The following MCC variants were observed in gnomAD, a reference collection of about 807,000 sequenced individuals.
MCC encodes the protein colorectal mutant cancer protein.
In MCC, 90 loss-of-function variants were observed where a neutral mutation model predicts 116.2. The ratio of observed to expected loss-of-function variants is 0.77; its 90% CI spans 0.65 to 0.92. The LOEUF is 0.92. Among genes scored for constraint, MCC ranks in the 40% least tolerant of loss-of-function variants. The pLI, the probability that MCC is intolerant of heterozygous loss-of-function variation, is 0.00. For missense variants in MCC, 1,516 were observed against 1,312.2 expected (o/e 1.16, Z -2.40); for synonymous variants, 578 against 510.5 (o/e 1.13, Z -1.78).
At chr5:113,305,529 T>C (rs562355606) in intron 3 of MCC, among the ~76,000 whole-genome samples, 1 of 152,314 alleles carries the variant, frequency 6.6e-6, no homozygotes, top group African/African-American at 2.4e-5. Context: ...TTTGGAGTCA[T>C]TTTCAGTTCC....
At chr5:113,221,903 G>A (rs1225748370) in intron 3 of MCC, among the ~76,000 whole-genome samples, 1 of 151,928 alleles carries the variant, frequency 6.6e-6, no homozygotes, top group African/African-American at 2.4e-5. Context: ...GACTCTGCAT[G>A]AATTACTCTT....
chr5:113,421,334 G>T (rs1000365936), intron 1 of MCC, among the ~76,000 whole-genome samples: 6 of 151,948 alleles, frequency 3.9e-5, no homozygotes, highest in African/African-American at 1.4e-4. Context: ...CTCTGCAAAA[G>T]AATTTTAAAT....
chr5:113,275,962 C>CT (rs1765806006), intron 3 of MCC, among the ~76,000 whole-genome samples: 1 of 145,008 alleles, frequency 6.9e-6, no homozygotes. Context: ...ATTGATTTCA[C>CT]TTGTTTTGTT....
intron 5 of MCC, among the ~76,000 whole-genome samples, chr5:113,125,349 T>C (rs1020850411): frequency 6.6e-6 from 1 of 152,112 alleles, no homozygotes; most frequent in Non-Finnish European, 1.5e-5. Context: ...AAACGACACA[T>C]GGCAACAAAG....
At chr5:113,407,752 G>GC (rs1206807562) in intron 1 of MCC, among the ~76,000 whole-genome samples, 3 of 152,050 alleles carry the variant, frequency 2.0e-5, no homozygotes, top group African/African-American at 4.8e-5. Flanking sequence ...TATATTTTAA[G>GC]CCCCGCATAC....
chr5:113,447,802 T>C (rs1415053527), intron 1 of MCC, among the ~76,000 whole-genome samples: 1 of 152,104 alleles, frequency 6.6e-6, no homozygotes, highest in Non-Finnish European at 1.5e-5. Context: ...GGCCTCTGCA[T>C]TGATGCCAAA....
At chr5:113,375,417 C>A (rs1768957882) in intron 2 of MCC, among the ~76,000 whole-genome samples, 2 of 152,090 alleles carry the variant, frequency 1.3e-5, no homozygotes, top group Non-Finnish European at 2.9e-5. Context: ...AAGGATAATT[C>A]TCTATGTGTT....
chr5:113,120,460 G>A (rs966846342), intron 6 of MCC, among the ~76,000 whole-genome samples: 4 of 152,096 alleles, frequency 2.6e-5, no homozygotes, highest in Non-Finnish European at 4.4e-5. Flanking sequence ...ACTACTGATC[G>A]CTCCTTCCTT....
At chr5:113,091,847 C>A (rs1755665258) in intron 8 of MCC, among the ~76,000 whole-genome samples, 1 of 151,872 alleles carries the variant, frequency 6.6e-6, no homozygotes, top group African/African-American at 2.4e-5. Context: ...AGGATCACAC[C>A]ACTGGACTCC....
intron 1 of MCC, among the ~76,000 whole-genome samples, chr5:113,402,382 C>A (rs1297234909): frequency 6.6e-6 from 1 of 151,250 alleles, no homozygotes; most frequent in Admixed American, 6.6e-5. Flanking sequence ...TGGTCTTGAA[C>A]TCCTGGCCTC....
At chr5:113,389,907 T>C (rs1348388855) in intron 1 of MCC, among the ~76,000 whole-genome samples, 1 of 152,196 alleles carries the variant, frequency 6.6e-6, no homozygotes, top group Non-Finnish European at 1.5e-5. Flanking sequence ...TCAGTAAGTA[T>C]GAAGGACCAA....
At chr5:113,198,149 G>C (rs532398022) in intron 3 of MCC, among the ~76,000 whole-genome samples, 1 of 152,244 alleles carries the variant, frequency 6.6e-6, no homozygotes, top group African/African-American at 2.4e-5. Context: ...ATACAGAAAT[G>C]GTATCACCCA....
intron 4 of MCC, among the ~76,000 whole-genome samples, chr5:113,147,590 A>G (rs528771025): frequency 2.6e-5 from 4 of 152,356 alleles, no homozygotes; most frequent in Admixed American, 6.5e-5. Context: ...TATGCTAACA[A>G]GAGATGTTAC....
At chr5:113,327,914 A>G (rs756367961) in intron 3 of MCC, among the ~76,000 whole-genome samples, 3 of 152,006 alleles carry the variant, frequency 2.0e-5, no homozygotes, top group East Asian at 1.9e-4. Flanking sequence ...GGAATACCTA[A>G]TAGTATTATT....
intron 3 of MCC, among the ~76,000 whole-genome samples, chr5:113,166,156 C>A (rs994981602): frequency 5.3e-5 from 8 of 152,066 alleles, no homozygotes; most frequent in Non-Finnish European, 8.8e-5. Flanking sequence ...CCTAAAGCTG[C>A]CTTATTTTGT....
At position 113,094,715 on chromosome 5, in the gene MCC, C is replaced by T. The variant is rs142043971; in HGVS notation, c.1398+7024G>A. 6.4e-3 allele frequency among the ~76,000 whole-genome samples: 968 copies of T among 152,282 alleles called. 21 individuals are homozygous for T. In the South Asian group the frequency reaches 0.067, roughly 11 times the overall value. ...GATTACAGGCATGAGCCACCGCTCC[C>T]GGCCAATGTTCCTAATTTCTTACCA... On this transcript the variant is annotated intron_variant, in intron 8 of 18. Coordinates refer to ENST00000408903, the MANE Select transcript of MCC (RefSeq NM_001085377.2).
At chr5:113,163,459 A>G (rs1760608826) in intron 3 of MCC, among the ~76,000 whole-genome samples, 1 of 151,894 alleles carries the variant, frequency 6.6e-6, no homozygotes, top group African/African-American at 2.4e-5. Context: ...ATTGTCCCCC[A>G]CAGATCACCT....
At chr5:113,370,699 C>T (rs183163618) in intron 2 of MCC, among the ~76,000 whole-genome samples, 16 of 152,280 alleles carry the variant, frequency 1.1e-4, no homozygotes. Flanking sequence ...GTCATCAGCA[C>T]TGAAATTTTT....
chr5:113,464,840 T>C (rs1384900678), intron 1 of MCC, among the ~76,000 whole-genome samples: 1 of 150,188 alleles, frequency 6.7e-6, no homozygotes, highest in African/African-American at 2.4e-5. Context: ...AGCAATAAAA[T>C]GTAGGGGGAA....
Sources: gnomAD v4.1 joint callset for allele counts (sites outside exome capture counted in the v4.1 genomes callset) on GRCh38, gnomAD v4.1.1 for gene constraint, MANE v1.5 for transcripts, NCBI Gene and HGNC (gene_info 2026-07-23, HGNC 2026-07-21) for gene names.